EIF3H: variants seen among roughly 807,000 people sequenced by gnomAD.
EIF3H encodes eukaryotic translation initiation factor 3 subunit H.
Under a neutral mutation model 44.2 loss-of-function variants are expected in EIF3H, and 26 were observed. That is an observed-to-expected ratio of 0.59 (90% confidence interval 0.43 to 0.82). The LOEUF (loss-of-function observed/expected upper bound fraction) is 0.82, where lower values mean the gene tolerates loss of function less well. EIF3H is among the 40% of genes least tolerant of loss of function. The probability of loss-of-function intolerance (pLI) is 0.00; values close to 1 mark genes in which losing one functional copy is unlikely to be tolerated. For missense variants in EIF3H, 359 were observed against 432.8 expected, an observed-to-expected ratio of 0.83 and a Z score of 1.51; for synonymous variants, 166 against 151.9, an observed-to-expected ratio of 1.09 and a Z score of -0.68.
At chr8:116,687,430 A>G (rs972874241) in intron 2 of EIF3H, among the ~76,000 whole-genome samples, 3 of 152,198 alleles carry the variant, frequency 2.0e-5, no homozygotes, top group African/African-American at 7.2e-5. Context: ...TCAGCAAAAG[A>G]AAAGCAAATC....
chr8:116,677,383 G>A lies in EIF3H; in HGVS notation c.290-18403C>T, dbSNP rs1332429624. Among the ~76,000 whole-genome samples the A allele has an allele frequency of 2.0e-5, 3 of 152,150 alleles. No individual in the cohort carries two copies. The East Asian group carries it at 5.8e-4, about 29-fold the overall frequency. On this transcript the variant is annotated intron_variant, in intron 2 of 7. Coordinates refer to ENST00000521861, the MANE Select transcript of EIF3H (RefSeq NM_003756.3). ...TGCAATTGAAAAAAAACTGTTCGAT[G>A]ATGGTTAAGATGTGTTTTAACCATA... is the stretch of plus-strand genomic sequence containing the variant.
At chr8:116,724,744 C>T (rs1458719049) in intron 2 of EIF3H, among the ~76,000 whole-genome samples, 1 of 152,032 alleles carries the variant, frequency 6.6e-6, no homozygotes, top group East Asian at 1.9e-4. Context: ...AGATGATCAC[C>T]TCACATCTGT....
chr8:116,713,151 G>A lies in EIF3H; in HGVS notation c.289+12865C>T, dbSNP rs1207116269. Among the ~76,000 whole-genome samples the A allele has an allele frequency of 2.6e-5, 4 of 152,036 alleles. No individual in the cohort carries two copies. The East Asian group carries it at 7.7e-4, about 29-fold the overall frequency. ...TATTTAATTAAAATTTAAACCACTG[G>A]GAACAGTAATTTAAGGATTACATTT... On this transcript the variant is annotated intron_variant, in intron 2 of 7. Transcript: ENST00000521861.
At position 116,755,736 on chromosome 8, in the gene EIF3H, G is replaced by C; in HGVS notation, c.62C>G (p.Ala21Gly). The change falls in exon 1 of 8, where the codon GCA becomes GGA. Residue 21 changes from alanine to glycine, a missense_variant. Physicochemically the swap from Ala to Gly is moderately conservative, Grantham distance 60 (BLOSUM62 0). Around this residue, in one of 5 missense-constraint regions of EIF3H, gnomAD observed 59 missense variants for 33.5 expected, o/e 1.76. Transcript: ENST00000521861. ...TATSSSSTAGAAGKGKGKGGS... is the reference protein window; with the variant it reads ...TATSSSSTAGGAGKGKGKGGS... ...GCCTTTGCCTTTGCCTTTCCCTGCT[G>C]CGCCGGCGGTGGAGCTGGAAGAGGT... The C allele has an allele frequency of 1.2e-6, 2 of 1,614,106 alleles. No individual in the cohort carries two copies. The highest frequency in any genetic ancestry group is 1.7e-6 in the Non-Finnish European group (2 of 1,179,980).
intron 1 of EIF3H, among the ~76,000 whole-genome samples, chr8:116,755,004 C>A (rs970941904): frequency 1.3e-4 from 20 of 152,176 alleles, no homozygotes; most frequent in African/African-American, 4.8e-4. Flanking sequence ...TGCTTCGAAA[C>A]AACAGAAATA....
chr8:116,700,359 A>C (rs1814352938), intron 2 of EIF3H, among the ~76,000 whole-genome samples: 2 of 152,212 alleles, frequency 1.3e-5, no homozygotes, highest in Non-Finnish European at 2.9e-5. Flanking sequence ...GAATGCAGCC[A>C]AACACAAATT....
At chr8:116,679,395 T>C (rs1458743801) in intron 2 of EIF3H, among the ~76,000 whole-genome samples, 1 of 61,082 alleles carries the variant, frequency 1.6e-5, no homozygotes, top group Non-Finnish European at 4.9e-5. Context: ...AGCCGCCCCG[T>C]CCGGGAGGGA....
chr8:116,706,649 C>T (rs1013279983), intron 2 of EIF3H, among the ~76,000 whole-genome samples: 8 of 152,164 alleles, frequency 5.3e-5, no homozygotes, highest in African/African-American at 1.9e-4. Flanking sequence ...ATTCTTGTGC[C>T]TCAGCCTCAC....
At chr8:116,652,789 A>G (rs1202693202) in intron 5 of EIF3H, among the ~76,000 whole-genome samples, 2 of 152,166 alleles carry the variant, frequency 1.3e-5, no homozygotes, top group East Asian at 3.9e-4. Flanking sequence ...AAACTAGTAT[A>G]GAAAGAAACT....
intron 2 of EIF3H, among the ~76,000 whole-genome samples, chr8:116,694,731 T>C (rs2130867968): frequency 6.6e-6 from 1 of 152,300 alleles, no homozygotes; most frequent in Non-Finnish European, 1.5e-5. Context: ...CTGACCTACA[T>C]GTAAATTATT....
At chr8:116,656,194 T>A (rs570161833) in intron 4 of EIF3H, among the ~76,000 whole-genome samples, 189 bp from the exon 5 acceptor site, 2 of 151,940 alleles carry the variant, frequency 1.3e-5, no homozygotes, top group African/African-American at 4.8e-5. Context: ...TTGAGTAACT[T>A]TGAAAATGAT....
intron 1 of EIF3H, among the ~76,000 whole-genome samples, chr8:116,730,475 T>G (rs548952696): frequency 2.0e-5 from 3 of 152,338 alleles, no homozygotes; most frequent in Admixed American, 1.3e-4. Flanking sequence ...AAAACTGTCT[T>G]TCACGAAACC....
chr8:116,732,053 G>A (rs1258785947), intron 1 of EIF3H, among the ~76,000 whole-genome samples: 1 of 152,098 alleles, frequency 6.6e-6, no homozygotes, highest in Non-Finnish European at 1.5e-5. Flanking sequence ...GATCTTCAAG[G>A]AATCCCAACC....
At chr8:116,687,226 T>C (rs1201307519) in intron 2 of EIF3H, among the ~76,000 whole-genome samples, 1 of 152,170 alleles carries the variant, frequency 6.6e-6, no homozygotes, top group Non-Finnish European at 1.5e-5. Flanking sequence ...AAGAACTGTA[T>C]GTGTTACCTT....
chr8:116,664,477 C>G (rs1041595357), intron 2 of EIF3H, among the ~76,000 whole-genome samples: 22 of 152,200 alleles, frequency 1.4e-4, no homozygotes, highest in Admixed American at 5.2e-4. Flanking sequence ...TTCAGTTCAG[C>G]AGAATAACGA....
At chr8:116,717,968 G>T (rs1315825167) in intron 2 of EIF3H, among the ~76,000 whole-genome samples, 1 of 152,046 alleles carries the variant, frequency 6.6e-6, no homozygotes, top group East Asian at 1.9e-4. Context: ...ACCCAGAGTG[G>T]GAGAAAATCT....
chr8:116,749,728 G>C (rs982447721), intron 1 of EIF3H, among the ~76,000 whole-genome samples: 1 of 148,692 alleles, frequency 6.7e-6, no homozygotes, highest in Non-Finnish European at 1.5e-5. Context: ...GACTAGCTCT[G>C]AGTTATTTTT....
intron 2 of EIF3H, chr8:116,697,351 T>C (rs912227389): frequency 3.2e-5 from 12 of 370,370 alleles, no homozygotes; most frequent in African/African-American, 1.1e-4. Flanking sequence ...TGAAGAACTA[T>C]TGCTGCTTTC....
At chr8:116,653,291 T>A (rs1813426914) in intron 5 of EIF3H, among the ~76,000 whole-genome samples, 1 of 151,482 alleles carries the variant, frequency 6.6e-6, no homozygotes, top group Non-Finnish European at 1.5e-5. Flanking sequence ...ATGTGGACTT[T>A]AAGCATTTCA....
Sources: gnomAD v4.1 joint callset for allele counts (sites outside exome capture counted in the v4.1 genomes callset) on GRCh38, gnomAD v4.1.1 for gene constraint, gnomAD v4.1.1 regional missense constraint, MANE v1.5 for transcripts, NCBI Gene and HGNC (gene_info 2026-07-23, HGNC 2026-07-21) for gene names.